Variants in SEZ6L observed in about 807,000 individuals in gnomAD.
SEZ6L encodes seizure 6-like protein.
In SEZ6L, 37 loss-of-function variants were observed where a neutral mutation model predicts 106.2. The observed-to-expected ratio is 0.35, with a 90% CI of 0.27 to 0.46. SEZ6L has a LOEUF of 0.46. Among genes scored for constraint, SEZ6L ranks in the 20% least tolerant of loss-of-function variants. The pLI is 1.00. For missense variants in SEZ6L, 1,172 were observed against 1,332.8 expected, an observed-to-expected ratio of 0.88 and a Z score of 1.88; for synonymous variants, 541 against 570.4, an observed-to-expected ratio of 0.95 and a Z score of 0.73.
intron 1 of SEZ6L, among the ~76,000 whole-genome samples, chr22:26,184,008 C>G (rs1319725999): frequency 6.6e-6 from 1 of 152,180 alleles, no homozygotes; most frequent in Admixed American, 6.5e-5. Context: ...AAAATTACTT[C>G]TGTTTTTCAG....
At chr22:26,257,378 A>G (rs544220670) in intron 1 of SEZ6L, among the ~76,000 whole-genome samples, 3 of 152,306 alleles carry the variant, frequency 2.0e-5, no homozygotes, top group South Asian at 4.1e-4. Context: ...CTCATTTTAC[A>G]GGAGAGAAAA....
chr22:26,346,101 C>T (rs575601245), intron 10 of SEZ6L, among the ~76,000 whole-genome samples: 29 of 151,940 alleles, frequency 1.9e-4, no homozygotes, highest in Non-Finnish European at 2.6e-4. Context: ...CTTCATGGCT[C>T]GCTGCAGTCT....
chr22:26,350,801 C>G (rs113967599), intron 11 of SEZ6L, among the ~76,000 whole-genome samples: 1 of 151,936 alleles, frequency 6.6e-6, no homozygotes, highest in Admixed American at 6.6e-5. Context: ...GGAGTACAGG[C>G]GCCCACCACC....
intron 1 of SEZ6L, among the ~76,000 whole-genome samples, chr22:26,231,873 G>A (rs188096970): frequency 6.6e-6 from 1 of 152,320 alleles, no homozygotes; most frequent in Admixed American, 6.5e-5. Flanking sequence ...CCTGAGTGGA[G>A]GCCAACTGCA....
chr22:26,298,547 C>T lies in SEZ6L; in HGVS notation c.1163-437C>T, dbSNP rs375599008. Among the ~76,000 whole-genome samples, 3 of 152,318 alleles carry T rather than the reference C, an allele frequency of 2.0e-5. No individual in the cohort carries two copies. In the East Asian group the frequency reaches 5.8e-4, roughly 29 times the overall value. ...TCCTGTCTCGCAGGCCAGTAGTTCT[C>T]GAGCTTTCATATCCTTGGGCAATTC... On this transcript the variant is annotated intron_variant, in intron 4 of 16. Transcript: ENST00000248933.
At chr22:26,239,301 C>T (rs1340045533) in intron 1 of SEZ6L, among the ~76,000 whole-genome samples, 1 of 152,124 alleles carries the variant, frequency 6.6e-6, no homozygotes, top group African/African-American at 2.4e-5. Context: ...GTCCCCTATC[C>T]CCAGCACACA....
chr22:26,262,657 A>G (rs900736952), intron 1 of SEZ6L, among the ~76,000 whole-genome samples: 4 of 152,198 alleles, frequency 2.6e-5, no homozygotes, highest in Admixed American at 2.0e-4. Context: ...CTAGAAAGCC[A>G]GAGAGGTGAT....
chr22:26,271,810 C>A (rs565664575), intron 1 of SEZ6L, among the ~76,000 whole-genome samples: 1 of 152,208 alleles, frequency 6.6e-6, no homozygotes, highest in African/African-American at 2.4e-5. Flanking sequence ...ACTACCCAGC[C>A]TTGGGCATTT....
intron 10 of SEZ6L, among the ~76,000 whole-genome samples, chr22:26,341,661 A>G (rs1418371528): frequency 6.6e-6 from 1 of 152,062 alleles, no homozygotes; most frequent in African/African-American, 2.4e-5. Context: ...AAACAGAATG[A>G]TTTCTTTTCC....
intron 1 of SEZ6L, among the ~76,000 whole-genome samples, chr22:26,235,937 C>T (rs1190593455): frequency 6.6e-6 from 1 of 152,224 alleles, no homozygotes; most frequent in African/African-American, 2.4e-5. Flanking sequence ...TTTCATGAAG[C>T]TGCATGAGTC....
intron 1 of SEZ6L, among the ~76,000 whole-genome samples, chr22:26,237,951 C>T (rs1055520532): frequency 6.6e-6 from 1 of 152,126 alleles, no homozygotes; most frequent in Admixed American, 6.5e-5. Context: ...AATCTGGAAA[C>T]TGAAAAGGAG....
chr22:26,237,910 G>T (rs928549508), intron 1 of SEZ6L, among the ~76,000 whole-genome samples: 8 of 152,178 alleles, frequency 5.3e-5, no homozygotes, highest in African/African-American at 1.9e-4. Context: ...ATGATTGGTT[G>T]AGAGGGCTGA....
intron 1 of SEZ6L, among the ~76,000 whole-genome samples, chr22:26,277,054 C>G (rs1052782569): frequency 4.6e-5 from 7 of 151,730 alleles, no homozygotes; most frequent in Non-Finnish European, 8.8e-5. Context: ...GAGAAGCCAG[C>G]TCACAGAAGA....
chr22:26,260,209 C>T lies in SEZ6L; in HGVS notation c.95-32197C>T, dbSNP rs530159233. On this transcript the variant is annotated intron_variant, in intron 1 of 16. Transcript: ENST00000248933. The stretch of plus-strand genomic sequence containing the variant: ...GTTACATTAGTAAGTTCTTCAGTGG[C>T]GATTTGTGAGATTTTGGTGCACCCA... Among the ~76,000 whole-genome samples, 64 of 152,064 alleles carry T rather than the reference C, an allele frequency of 4.2e-4. 1 individual carries two copies. Among genetic ancestry groups the T allele is most frequent in the East Asian group, 3.9e-4 (2 of 5,176 alleles).
Position 26,312,003 on chromosome 22 carries a change from A to G in SEZ6L, c.1876+41A>G, listed in dbSNP as rs1395700822. 8.8e-6 allele frequency: 14 copies of G among 1,586,668 alleles called. No homozygotes were observed. In the Middle Eastern group the frequency reaches 5.7e-4, roughly 65 times the overall value. Reference sequence around the variant, plus strand: ...ACGCTCTTCCCACGGCACCCCAGGGATCTCCACCCTTTGGATGAGAAGACC... The same window carrying G: ...ACGCTCTTCCCACGGCACCCCAGGGGTCTCCACCCTTTGGATGAGAAGACC... On this transcript the variant is annotated intron_variant, in intron 8 of 16. Coordinates refer to ENST00000248933, the MANE Select transcript of SEZ6L (RefSeq NM_021115.5).
Position 26,169,790 on chromosome 22 carries a change from C to A in SEZ6L, c.94+27C>A, listed in dbSNP as rs1207031778. The A allele has an allele frequency of 1.4e-5, 17 of 1,181,240 alleles. No homozygotes were observed. In the East Asian group the frequency reaches 5.1e-4, roughly 36 times the overall value. The allele number at this position is 1,181,240 out of a possible 1,614,324, so 73.2% of individuals were successfully genotyped here. On this transcript the variant is annotated intron_variant, in intron 1 of 16. Coordinates refer to ENST00000248933, the MANE Select transcript of SEZ6L (RefSeq NM_021115.5). ...TAAGCGCCCCGAGGGGCGGGGCGGG[C>A]AGGGGGCAAAGTTGCCGGGAGAGCG...
In SEZ6L at chr22:26,328,817, A is replaced by G. The variant is rs533332815; in HGVS notation, c.2016-11619A>G. On this transcript the variant is annotated intron_variant, in intron 9 of 16. Coordinates refer to ENST00000248933, the MANE Select transcript of SEZ6L (RefSeq NM_021115.5). ...GAAAAGGAAGAAAAGAAGAAAGGCC[A>G]TGGAAACTGGGAGCCTCTCTGAAGT... Among the ~76,000 whole-genome samples the G allele has an allele frequency of 1.2e-4, 18 of 152,270 alleles. No individual in the cohort carries two copies. In the East Asian group the frequency reaches 3.1e-3, roughly 26 times the overall value.
intron 1 of SEZ6L, among the ~76,000 whole-genome samples, chr22:26,252,066 GGCA>G (rs2079614074): frequency 6.6e-6 from 1 of 152,168 alleles, no homozygotes; most frequent in African/African-American, 2.4e-5. Context: ...CAGCAGCACA[GGCA>G]GCAGCAGCAC....
chr22:26,328,878 T>C (rs1569465414), intron 9 of SEZ6L, among the ~76,000 whole-genome samples: 1 of 152,148 alleles, frequency 6.6e-6, no homozygotes, highest in Non-Finnish European at 1.5e-5. Context: ...AAACTCCAGG[T>C]CTGTGGCTCT....
Sources: allele counts gnomAD v4.1 joint callset (sites outside exome capture counted in the v4.1 genomes callset), GRCh38; gene constraint gnomAD v4.1.1; transcripts MANE v1.5; gene names NCBI Gene and HGNC (gene_info 2026-07-23, HGNC 2026-07-21).